Variants in GPAT4 observed in about 807,000 individuals in gnomAD.
GPAT4 encodes the protein glycerol-3-phosphate acyltransferase 4.
GPAT4 carries 17 observed loss-of-function variants against 58.0 expected under a neutral mutation model. That is an observed-to-expected ratio of 0.29 (90% CI 0.20 to 0.44). The LOEUF is 0.44. GPAT4 is among the 20% of genes least tolerant of loss of function. The pLI is 1.00. For missense variants in GPAT4, 377 were observed against 574.5 expected (o/e 0.66, Z 3.51); for synonymous variants, 204 against 210.1 (o/e 0.97, Z 0.25).
At chr8:41,607,835 G>A (rs2150499452) in intron 2 of GPAT4, among the ~76,000 whole-genome samples, 1 of 152,172 alleles carries the variant, frequency 6.6e-6, no homozygotes, top group South Asian at 2.1e-4. Flanking sequence ...CTGGCCCCAA[G>A]TTTTTCTCTT....
In GPAT4 at chr8:41,609,961, G is replaced by T; in HGVS notation, c.536+6G>T. On this transcript the variant is annotated splice_donor_region_variant and intron_variant, in intron 4 of 12. Coordinates refer to ENST00000396987, the MANE Select transcript of GPAT4 (RefSeq NM_178819.4). ...TGCTTTCTGCTGCCGCTCAGGTGAG[G>T]CAGGGCCTGCGGGAGTGGGGCTCGC... 6.3e-7 allele frequency: 1 copy of T among 1,591,670 alleles called. No individual in the cohort carries two copies. Among genetic ancestry groups the T allele is most frequent in the Non-Finnish European group, 8.6e-7 (1 of 1,166,940 alleles).
At chr8:41,597,959 A>G (rs1356512836) in intron 1 of GPAT4, among the ~76,000 whole-genome samples, 1 of 152,242 alleles carries the variant, frequency 6.6e-6, no homozygotes, top group Non-Finnish European at 1.5e-5. Flanking sequence ...CACTCTGAGT[A>G]TCTGGGGGAC....
chr8:41,594,092 G>T (rs1224053655), intron 1 of GPAT4, among the ~76,000 whole-genome samples: 1 of 152,266 alleles, frequency 6.6e-6, no homozygotes, highest in Admixed American at 6.5e-5. Context: ...TGACCATAAG[G>T]TAAGATATTT....
At chr8:41,587,258 T>C (rs1802679524) in intron 1 of GPAT4, among the ~76,000 whole-genome samples, 2 of 152,234 alleles carry the variant, frequency 1.3e-5, no homozygotes, top group South Asian at 2.1e-4. Context: ...ATGTGAACTT[T>C]CTGAATGAGA....
At chr8:41,609,380 T>C in intron 2 of GPAT4, 36 bp from the exon 3 acceptor site, 2 of 1,598,304 alleles carry the variant, frequency 1.3e-6, no homozygotes, top group Non-Finnish European at 1.7e-6. Flanking sequence ...ACAGGTCTCA[T>C]TCTTGCTCTT....
chr8:41,599,093 A>G lies in GPAT4; in HGVS notation c.-47A>G, dbSNP rs188299415. On this transcript the variant is annotated 5_prime_UTR_variant, in exon 2 of 13. Transcript: ENST00000396987. Reference sequence around the variant, plus strand: ...CAGGAAGGACCATCTGAAGGCTGCAATTTGTTCTTAGGGAGGCAGGTGCTG... The same window carrying G: ...CAGGAAGGACCATCTGAAGGCTGCAGTTTGTTCTTAGGGAGGCAGGTGCTG... The G allele has an allele frequency of 3.4e-5, 53 of 1,571,104 alleles. No individual in the cohort carries two copies. In the Admixed American group the frequency reaches 7.0e-4, roughly 21 times the overall value.
intron 2 of GPAT4, among the ~76,000 whole-genome samples, chr8:41,606,595 A>G (rs1437258530): frequency 6.6e-6 from 1 of 152,236 alleles, no homozygotes; most frequent in African/African-American, 2.4e-5. Context: ...AAATTTATTA[A>G]TGTGCACAGG....
chr8:41,584,809 G>C (rs1183667854), intron 1 of GPAT4: 1 of 152,024 alleles, frequency 6.6e-6, no homozygotes, highest in Non-Finnish European at 1.5e-5. Flanking sequence ...GGGTGAACTT[G>C]GTACCAGTGC....
At chr8:41,603,668 G>C (rs183682173) in intron 2 of GPAT4, among the ~76,000 whole-genome samples, 118 of 152,042 alleles carry the variant, frequency 7.8e-4, no homozygotes, top group Non-Finnish European at 1.4e-3. Context: ...CAGAGGATGT[G>C]GGGGGGCAGG....
intron 1 of GPAT4, among the ~76,000 whole-genome samples, chr8:41,590,752 A>C (rs556301330): frequency 6.6e-6 from 1 of 152,342 alleles, no homozygotes; most frequent in African/African-American, 2.4e-5. Flanking sequence ...ACCACTGAAT[A>C]GCATGTCCTT....
intron 1 of GPAT4, among the ~76,000 whole-genome samples, chr8:41,591,991 G>A (rs1007601899): frequency 5.3e-5 from 8 of 152,200 alleles, no homozygotes; most frequent in Non-Finnish European, 8.8e-5. Context: ...CGTTTGATTC[G>A]GTTGAGCATG....
At chr8:41,619,849 G>T (rs1803697421) in intron 12 of GPAT4, among the ~76,000 whole-genome samples, 1 of 152,214 alleles carries the variant, frequency 6.6e-6, no homozygotes, top group South Asian at 2.1e-4. Context: ...TTTAAAAAAT[G>T]CTAGTGTGGA....
intron 1 of GPAT4, among the ~76,000 whole-genome samples, chr8:41,581,627 T>C (rs1802510492): frequency 7.3e-6 from 1 of 136,368 alleles, no homozygotes; most frequent in African/African-American, 2.9e-5. Flanking sequence ...TTTGTTGACT[T>C]TTTTTTTTTT....
At chr8:41,607,087 A>T (rs1803296044) in intron 2 of GPAT4, among the ~76,000 whole-genome samples, 1 of 152,342 alleles carries the variant, frequency 6.6e-6, no homozygotes, top group South Asian at 2.1e-4. Flanking sequence ...AGGCAGAAAG[A>T]GTCCAGTTCA....
chr8:41,619,232 A>C lies in GPAT4; in HGVS notation c.1262+255A>C. On this transcript the variant is annotated intron_variant, in intron 12 of 12. Coordinates refer to ENST00000396987, the MANE Select transcript of GPAT4 (RefSeq NM_178819.4). The stretch of plus-strand genomic sequence containing the variant: ...GGGGTTTGAACCAGTCTTCCAGGAC[A>C]CCTGGACAGTGCCCATCTCTGGGTG... The C allele has an allele frequency of 9.2e-6, 5 of 546,148 alleles. No individual in the cohort carries two copies. In the South Asian group the frequency reaches 1.1e-4, roughly 12 times the overall value. The allele number at this position is 546,148 out of a possible 1,614,324, so 33.8% of individuals were successfully genotyped here.
intron 1 of GPAT4, among the ~76,000 whole-genome samples, chr8:41,586,110 A>G (rs898007279): frequency 6.6e-6 from 1 of 152,260 alleles, no homozygotes; most frequent in Non-Finnish European, 1.5e-5. Context: ...CGCCAGCTCT[A>G]AAGTAACCAA....
chr8:41,589,359 GC>G (rs1802732240), intron 1 of GPAT4, among the ~76,000 whole-genome samples: 3 of 129,912 alleles, frequency 2.3e-5, no homozygotes, highest in East Asian at 2.3e-4. Context: ...GTGGGGTGTG[GC>G]GGGATGGGAT....
At chr8:41,603,202 G>A (rs1803151660) in intron 2 of GPAT4, among the ~76,000 whole-genome samples, 1 of 152,168 alleles carries the variant, frequency 6.6e-6, no homozygotes, top group African/African-American at 2.4e-5. Flanking sequence ...TCCTGTCAGT[G>A]CATTTAAATC....
At chr8:41,619,375 C>T (rs1803686702) in intron 12 of GPAT4, 1 of 237,404 alleles carries the variant, frequency 4.2e-6, no homozygotes, top group Non-Finnish European at 8.4e-6. Flanking sequence ...TTGGTGTATT[C>T]AGCTTGTTAC....
Sources: gnomAD v4.1 joint callset for allele counts (sites outside exome capture counted in the v4.1 genomes callset) on GRCh38, gnomAD v4.1.1 for gene constraint, MANE v1.5 for transcripts, NCBI Gene and HGNC (gene_info 2026-07-23, HGNC 2026-07-21) for gene names.